The following RFX1 variants were observed in gnomAD, a reference collection of about 807,000 sequenced individuals.
RFX1 encodes the protein MHC class II regulatory factor RFX1.
In RFX1, 42 loss-of-function variants were observed where a neutral mutation model predicts 119.6. That is an observed-to-expected ratio of 0.35 (90% CI 0.27 to 0.45). The LOEUF is 0.45. Ranked by LOEUF, RFX1 falls within the 20% of genes least tolerant of loss-of-function variation. RFX1 has a pLI of 1.00. For missense variants in RFX1, 1,118 were observed against 1,368.1 expected, an observed-to-expected ratio of 0.82 and a Z score of 2.88; for synonymous variants, 628 against 618.5, an observed-to-expected ratio of 1.02 and a Z score of -0.23.
intron 4 of RFX1, among the ~76,000 whole-genome samples, chr19:13,982,456 G>A (rs1476919867): frequency 2.0e-5 from 3 of 152,190 alleles, no homozygotes; most frequent in Non-Finnish European, 4.4e-5. Context: ...GCCAGGAAGC[G>A]GCAGAGCCGG....
chr19:14,001,149 A>G (rs531048784), intron 1 of RFX1, among the ~76,000 whole-genome samples: 1 of 152,224 alleles, frequency 6.6e-6, no homozygotes, highest in African/African-American at 2.4e-5. Flanking sequence ...CCCACCTGGC[A>G]TGCTGTCCCC....
chr19:13,974,873 G>A (rs542708030), intron 8 of RFX1, among the ~76,000 whole-genome samples: 2 of 135,648 alleles, frequency 1.5e-5, no homozygotes, highest in African/African-American at 5.6e-5. Flanking sequence ...TAGTGAAACC[G>A]TCTCTACTAA....
chr19:13,968,945 C>G lies in RFX1; in HGVS notation c.1497-51G>C. 6.5e-7 allele frequency: 1 copy of G among 1,532,494 alleles called. No homozygotes were observed. The highest frequency in any genetic ancestry group is 1.2e-5 in the South Asian group (1 of 83,162). The allele number at this position is 1,532,494 out of a possible 1,614,324, so 94.9% of individuals were successfully genotyped here. On this transcript the variant is annotated intron_variant, in intron 10 of 20. Coordinates refer to ENST00000254325, the MANE Select transcript of RFX1 (RefSeq NM_002918.5). The surrounding 1 kb of genome is among the most constrained non-coding windows in gnomAD (Gnocchi z 5.5). ...CTGGGCTGGGGGTCTGCCGGCTGGC[C>G]GGCCATGGAGCACCTCACAGCACAC...
In RFX1 at chr19:13,972,965, C is replaced by G; in HGVS notation, c.1092G>C (p.Gln364His). 6.3e-7 allele frequency: 1 copy of G among 1,599,730 alleles called. No homozygotes were observed. Among genetic ancestry groups the G allele is most frequent in the South Asian group, 1.1e-5 (1 of 90,992 alleles). Residue 364 changes from glutamine (Q) to histidine (H), a missense_variant, in exon 9 of 21, where the codon CAG (glutamine) becomes CAC (histidine). Around this residue, in one of 5 missense-constraint regions of RFX1, gnomAD observed 542 missense variants for 602.7 expected, o/e 0.90. Coordinates refer to ENST00000254325, the MANE Select transcript of RFX1 (RefSeq NM_002918.5). Reference protein sequence around the residue: ...GSMPMYVSGSQVVASSTSTGA... With the variant: ...GSMPMYVSGSHVVASSTSTGA... ...CAGTGCTGGTGGAGCTGGCGACGAC[C>G]TGGCTGCCGGACACGTACATGGGCA...
intron 2 of RFX1, 67 bp from the exon 3 acceptor site, chr19:13,983,662 C>T (rs190755331): frequency 5.9e-6 from 8 of 1,360,566 alleles, no homozygotes; most frequent in South Asian, 3.8e-5. Flanking sequence ...CCTGAGCCCC[C>T]CTGGAGGGGA....
Position 13,986,397 on chromosome 19 carries a change from C to T in RFX1, c.320-2802G>A, listed in dbSNP as rs1246535928. On this transcript the variant is annotated intron_variant, in intron 2 of 20. Transcript: ENST00000254325. The surrounding 1 kb of genome is among the most constrained non-coding windows in gnomAD (Gnocchi z 4.2). Reference sequence around the variant, plus strand: ...CAAGGCTGGGACCCCGCCTGCCAGCCCAGGAGGGCGCCAGGGGATGCGCCA... The same window carrying T: ...CAAGGCTGGGACCCCGCCTGCCAGCTCAGGAGGGCGCCAGGGGATGCGCCA... 6.6e-6 allele frequency among the ~76,000 whole-genome samples: 1 copy of T among 152,180 alleles called. No individual in the cohort carries two copies. The highest frequency in any genetic ancestry group is 2.4e-5 in the African/African-American group (1 of 41,446).
chr19:13,973,176 G>A (rs1360781559), intron 8 of RFX1, 49 bp from the exon 9 acceptor site: 2 of 1,363,596 alleles, frequency 1.5e-6, no homozygotes, highest in Non-Finnish European at 1.0e-6. Context: ...GAGAACTGGG[G>A]GGCCGAGGGG....
chr19:13,993,955 A>C, intron 1 of RFX1, 60 bp from the exon 2 acceptor site: 3 of 952,290 alleles, frequency 3.2e-6, no homozygotes, highest in Non-Finnish European at 3.1e-6. Flanking sequence ...AGAAGGAAAA[A>C]CAGGAATTAA....
Position 13,979,431 on chromosome 19 carries a change from A to AG in RFX1, c.834+15dup. ...CCAGCCCCTTTGCCCGTGGGGTAGGAGGGGGAGACACACACCTCTTGAGCC... is the reference window on the plus strand; with the variant it reads ...CCAGCCCCTTTGCCCGTGGGGTAGGAGGGGGGAGACACACACCTCTTGAGCC... On this transcript the variant is annotated intron_variant, in intron 7 of 20. Coordinates refer to ENST00000254325, the MANE Select transcript of RFX1 (RefSeq NM_002918.5). The AG allele has an allele frequency of 1.4e-5, 21 of 1,533,110 alleles. No individual in the cohort carries two copies. Among genetic ancestry groups the AG allele is most frequent in the Non-Finnish European group, 1.8e-5 (20 of 1,130,246 alleles). 95.0% of individuals were successfully genotyped at this position (1,533,110 alleles called of 1,614,324 possible). A position where few individuals can be genotyped will look rare whatever the true frequency, so the allele number is the denominator to read the frequency against.
Position 13,973,073 on chromosome 19 carries a change from G to A in RFX1, c.984C>T (p.Ser328=). The A allele has an allele frequency of 6.2e-7, 1 of 1,601,706 alleles. No individual in the cohort carries two copies. The highest frequency in any genetic ancestry group is 1.1e-5 in the South Asian group (1 of 91,074). ...PETPLYTQTA[S]TSYYEAAGTA... ...TGCCTGCGGCCTCGTAGTAGCTGGT[G>A]CTTGCCGTCTGCGTGTACAGCGGCG... Residue 328 remains serine, a synonymous_variant, in exon 9 of 21, where the codon AGC becomes AGT. Transcript: ENST00000254325.
chr19:13,982,684 G>A (rs1479121527), intron 4 of RFX1, among the ~76,000 whole-genome samples: 1 of 152,170 alleles, frequency 6.6e-6, no homozygotes, highest in African/African-American at 2.4e-5. Flanking sequence ...CACACCTGTA[G>A]TCTCAGCTAC....
chr19:13,966,701 C>T lies in RFX1; in HGVS notation c.1783G>A (p.Val595Met). The T allele has an allele frequency of 1.2e-6, 2 of 1,611,660 alleles. No individual in the cohort carries two copies. The highest frequency in any genetic ancestry group is 1.3e-5 in the African/African-American group (1 of 74,994). The change falls in exon 13 of 21, where the codon GTG becomes ATG. Residue 595 changes from valine to methionine, a missense_variant. Transcript: ENST00000254325. The surrounding 1 kb of genome is among the most constrained non-coding windows in gnomAD (Gnocchi z 6.3). ...CCGGGCCCGACGCCCTCAGGCAGCA[C>T]CTTGCCCTGGAGGTCGAGCTCTGTG... ...DFTELDLQGK[V>M]LPEGVGPGDI...
intron 5 of RFX1, among the ~76,000 whole-genome samples, chr19:13,981,917 C>A (rs1974441285): frequency 6.6e-6 from 1 of 152,234 alleles, no homozygotes; most frequent in African/African-American, 2.4e-5. Flanking sequence ...TAGCTCAGAG[C>A]TGGCAGGGCC....
In RFX1 at chr19:13,962,756, G is replaced by C. The variant is rs1219650054; in HGVS notation, c.2879C>G (p.Pro960Arg). ...PALGPETLEP[P>R]AKLARTDARG... Reference sequence around the variant, plus strand: ...CGCGTCAGTCCGCGCCAGCTTGGCCGGCGGCTCCAGGGTCTCCGGGCCCAG... The same window carrying C: ...CGCGTCAGTCCGCGCCAGCTTGGCCCGCGGCTCCAGGGTCTCCGGGCCCAG... Residue 960 changes from proline to arginine, a missense_variant, in exon 21 of 21, where the codon CCG (proline) becomes CGG (arginine). By Grantham distance (103) the Pro-to-Arg change is moderately radical. Coordinates refer to ENST00000254325, the MANE Select transcript of RFX1 (RefSeq NM_002918.5). 2 of 1,530,166 alleles carry C rather than the reference G, an allele frequency of 1.3e-6. No homozygotes were observed. The highest frequency in any genetic ancestry group is 1.7e-6 in the Non-Finnish European group (2 of 1,143,508). The allele number at this position is 1,530,166 out of a possible 1,614,324, so 94.8% of individuals were successfully genotyped here. A position where few individuals can be genotyped will look rare whatever the true frequency, so the allele number is the denominator to read the frequency against.
At chr19:13,993,268 C>G (rs1286210261) in intron 2 of RFX1, among the ~76,000 whole-genome samples, 3 of 152,058 alleles carry the variant, frequency 2.0e-5, no homozygotes, top group Non-Finnish European at 4.4e-5. Context: ...GCACTCCAGC[C>G]TGGGCAACAG....
rs1482186199 is a variant in RFX1, at chr19:13,962,586, C to T, written c.*109G>A. On this transcript the variant is annotated 3_prime_UTR_variant, in exon 21 of 21. Coordinates refer to ENST00000254325, the MANE Select transcript of RFX1 (RefSeq NM_002918.5). ...CCGGTCTTCCCTGTCTCGGAGTCCC[C>T]CTCCCTGCCCTGGCTGAGGCTGGAG... The T allele has an allele frequency of 3.2e-6, 3 of 932,942 alleles. No individual in the cohort carries two copies. The highest frequency in any genetic ancestry group is 1.8e-5 in the South Asian group (1 of 56,438). The allele number at this position is 932,942 out of a possible 1,614,324, so 57.8% of individuals were successfully genotyped here.
Position 13,963,008 on chromosome 19 carries a change from AG to A in RFX1, c.2755del (p.Leu919TrpfsTer185). On this transcript the variant is annotated frameshift_variant, in exon 20 of 21. Coordinates refer to ENST00000254325, the MANE Select transcript of RFX1 (RefSeq NM_002918.5). LOFTEE classifies it high-confidence loss of function. ...GCCTCGCCTACCTTTGTCGGGGTCC[AG>A]GGGGTTCAGGGAGGTGGCCAGATTG... ...FANLATSLNP[L>X]DPDKDEEEEE... 6.4e-7 allele frequency: 1 copy of A among 1,552,518 alleles called. No homozygotes were observed. The highest frequency in any genetic ancestry group is 8.7e-7 in the Non-Finnish European group (1 of 1,147,592).
rs189071854 is a variant in RFX1, at chr19:13,968,315, G to A, written c.1732+250C>T. Among the ~76,000 whole-genome samples, 132 of 152,182 alleles carry A rather than the reference G, an allele frequency of 8.7e-4. No homozygotes were observed. The highest frequency in any genetic ancestry group is 3.0e-3 in the African/African-American group (126 of 41,554). On this transcript the variant is annotated intron_variant, in intron 12 of 20. Coordinates refer to ENST00000254325, the MANE Select transcript of RFX1 (RefSeq NM_002918.5). The surrounding 1 kb of genome is among the most constrained non-coding windows in gnomAD (Gnocchi z 5.5). ...AAGTAGCATAAAGGGGATTCACTGGGAAGCTCAGAACCCCCGAGAAATGCT... is the reference window on the plus strand; with the variant it reads ...AAGTAGCATAAAGGGGATTCACTGGAAAGCTCAGAACCCCCGAGAAATGCT...
In RFX1 at chr19:13,968,780, C is replaced by T. The variant is rs1304899104; in HGVS notation, c.1611G>A (p.Lys537=). 1.3e-6 allele frequency: 2 copies of T among 1,595,320 alleles called. No individual in the cohort carries two copies. Among genetic ancestry groups the T allele is most frequent in the Non-Finnish European group, 1.7e-6 (2 of 1,171,144 alleles). The change falls in exon 11 of 21, where the codon AAG becomes AAA. Residue 537 remains lysine, a synonymous_variant. Coordinates refer to ENST00000254325, the MANE Select transcript of RFX1 (RefSeq NM_002918.5). The surrounding 1 kb of genome is among the most constrained non-coding windows in gnomAD (Gnocchi z 5.5). ...GTCCGGCCCTGCCTTCCTACCTCTG[C>T]TTCTGCGAGAAGGGCTGGCCCCGCA... ...MAMRGQPFSQ[K]QRLKPIQKME...
Sources: allele counts gnomAD v4.1 joint callset (sites outside exome capture counted in the v4.1 genomes callset), GRCh38; gene constraint gnomAD v4.1.1; regional missense constraint gnomAD v4.1.1; non-coding constraint Gnocchi (gnomAD v3.1); transcripts MANE v1.5; gene names NCBI Gene and HGNC (gene_info 2026-07-23, HGNC 2026-07-21).